ERGIC1: variants seen among roughly 807,000 people sequenced by gnomAD.
ERGIC1 encodes the protein endoplasmic reticulum-Golgi intermediate compartment protein 1.
ERGIC1 carries 19 observed loss-of-function variants against 38.3 expected under a neutral mutation model. The observed-to-expected ratio is 0.50, with a 90% CI of 0.35 to 0.73. ERGIC1 has a LOEUF of 0.73. Among genes scored for constraint, ERGIC1 ranks in the 30% least tolerant of loss-of-function variants. ERGIC1 has a pLI of 0.01. For synonymous variants in ERGIC1, 124 were observed against 157.6 expected, an observed-to-expected ratio of 0.79 and a Z score of 1.60; for missense variants, 294 against 389.2, an observed-to-expected ratio of 0.76 and a Z score of 2.06.
At chr5:172,838,175 A>T (rs1291995023) in intron 1 of ERGIC1, among the ~76,000 whole-genome samples, 1 of 152,232 alleles carries the variant, frequency 6.6e-6, no homozygotes, top group Admixed American at 6.5e-5. Context: ...TGTAGGGGCA[A>T]GTGTGATCAA....
chr5:172,898,207 A>G (rs1762773501), intron 3 of ERGIC1: 1 of 257,062 alleles, frequency 3.9e-6, no homozygotes, highest in African/African-American at 2.2e-5. Flanking sequence ...GCCACAAGAC[A>G]ATAGGAAACT....
intron 3 of ERGIC1, among the ~76,000 whole-genome samples, chr5:172,897,364 G>A (rs1421222371): frequency 1.3e-5 from 2 of 151,350 alleles, no homozygotes; most frequent in Non-Finnish European, 2.9e-5. Context: ...GGGAGGCAGA[G>A]GTTGCAGTGA....
At chr5:172,840,406 G>A (rs1258267066) in intron 1 of ERGIC1, among the ~76,000 whole-genome samples, 1 of 152,230 alleles carries the variant, frequency 6.6e-6, no homozygotes, top group Non-Finnish European at 1.5e-5. Context: ...CAGGCAGGGT[G>A]TGAAGAGGGT....
At chr5:172,862,307 CA>C (rs58968820) in intron 1 of ERGIC1, among the ~76,000 whole-genome samples, 7 of 49,488 alleles carry the variant, frequency 1.4e-4, no homozygotes, top group African/African-American at 6.1e-4. Context: ...GACTACATCT[CA>C]AAAAAAAAAA....
At chr5:172,900,426 G>T (rs1007193018) in intron 3 of ERGIC1, among the ~76,000 whole-genome samples, 7 of 152,122 alleles carry the variant, frequency 4.6e-5, no homozygotes, top group Admixed American at 4.6e-4. Flanking sequence ...GAGGAAGGGG[G>T]CCAGGTGCAG....
chr5:172,879,053 T>G (rs1442354117), intron 1 of ERGIC1, among the ~76,000 whole-genome samples: 1 of 152,148 alleles, frequency 6.6e-6, no homozygotes, highest in Non-Finnish European at 1.5e-5. Flanking sequence ...CTAATTTCAT[T>G]AAGCCTTGGA....
chr5:172,872,379 C>A (rs887397283), intron 1 of ERGIC1, among the ~76,000 whole-genome samples: 14 of 152,214 alleles, frequency 9.2e-5, no homozygotes, highest in African/African-American at 3.4e-4. Context: ...ATATGAGTTA[C>A]TACTTGGGTT....
chr5:172,847,210 G>C (rs1761300568), intron 1 of ERGIC1, among the ~76,000 whole-genome samples: 1 of 152,146 alleles, frequency 6.6e-6, no homozygotes, highest in Non-Finnish European at 1.5e-5. Flanking sequence ...CCTGGCAGTG[G>C]TGGGGAGAGA....
At chr5:172,862,344 A>G (rs1761734668) in intron 1 of ERGIC1, among the ~76,000 whole-genome samples, 1 of 148,220 alleles carries the variant, frequency 6.7e-6, no homozygotes, top group East Asian at 2.1e-4. Context: ...ATGGCACAAG[A>G]TAAGGGGGGA....
rs543755080 is a variant in ERGIC1 at position 172,834,267 on chromosome 5, AGGCGAGTGGCGAGT to A, written c.-131_-118del. On this transcript the variant is annotated 5_prime_UTR_variant, in exon 1 of 10. Transcript: ENST00000393784. This position sits in a 1 kb window ranked among gnomAD's most constrained non-coding sequence, Gnocchi z 4.1. The stretch of plus-strand genomic sequence containing the variant: ...CGGAGCGTCACTTCCCGGCAGCGGG[AGGCGAGTGGCGAGT>A]GGCGAGTGGCGAGTGTCAGGGGGGC... 7.0e-5 allele frequency: 53 copies of A among 752,162 alleles called. No homozygotes were observed. The highest frequency in any genetic ancestry group is 8.0e-5 in the Non-Finnish European group (47 of 585,154). The allele number at this position is 752,162 out of a possible 1,614,324, so 46.6% of individuals were successfully genotyped here.
chr5:172,928,140 G>C (rs1706624502), intron 7 of ERGIC1, among the ~76,000 whole-genome samples: 1 of 152,186 alleles, frequency 6.6e-6, no homozygotes, highest in Non-Finnish European at 1.5e-5. Flanking sequence ...AATGTCTGCA[G>C]CTACGATGGA....
intron 9 of ERGIC1, among the ~76,000 whole-genome samples, chr5:172,943,080 G>C (rs1400621363): frequency 6.6e-6 from 1 of 152,134 alleles, no homozygotes; most frequent in South Asian, 2.1e-4. Context: ...CCCTGTGACT[G>C]TGGACAAGTC....
chr5:172,899,564 G>A (rs1412355873), intron 3 of ERGIC1, among the ~76,000 whole-genome samples: 5 of 151,832 alleles, frequency 3.3e-5, no homozygotes, highest in Non-Finnish European at 2.9e-5. Context: ...TGATCCACCC[G>A]CCTCAGCCTG....
At chr5:172,949,901 G>A (rs772118464) in intron 9 of ERGIC1, among the ~76,000 whole-genome samples, 3 of 152,162 alleles carry the variant, frequency 2.0e-5, no homozygotes, top group Middle Eastern at 3.4e-3. Flanking sequence ...CCCCCACCCT[G>A]TCTCTACTAA....
At chr5:172,836,232 G>A (rs971854055) in intron 1 of ERGIC1, among the ~76,000 whole-genome samples, 5 of 152,194 alleles carry the variant, frequency 3.3e-5, no homozygotes, top group African/African-American at 1.2e-4. Context: ...TGTGCTCCTT[G>A]AATTGGTGGC....
intron 8 of ERGIC1, 96 bp downstream of exon 8, chr5:172,932,632 T>G: frequency 1.6e-6 from 2 of 1,277,916 alleles, no homozygotes; most frequent in Non-Finnish European, 2.2e-6. Flanking sequence ...CACTTTCTTC[T>G]GATTCCTTTC....
chr5:172,838,347 C>A (rs772367527), intron 1 of ERGIC1, among the ~76,000 whole-genome samples: 5 of 152,184 alleles, frequency 3.3e-5, no homozygotes, highest in African/African-American at 1.2e-4. Context: ...ATGGACCCCC[C>A]TCTGAGTGTG....
At chr5:172,902,909 T>C (rs561459772) in intron 3 of ERGIC1, among the ~76,000 whole-genome samples, 1 of 152,248 alleles carries the variant, frequency 6.6e-6, no homozygotes, top group South Asian at 2.1e-4. Flanking sequence ...TTTGTATAGA[T>C]GTCATCGAAC....
intron 2 of ERGIC1, among the ~76,000 whole-genome samples, chr5:172,891,833 C>A (rs561508377): frequency 1.3e-5 from 2 of 152,214 alleles, no homozygotes; most frequent in Admixed American, 6.5e-5. Context: ...TCTGCTGATA[C>A]ATCCTGGGCA....
Sources: gnomAD v4.1 joint callset for allele counts (sites outside exome capture counted in the v4.1 genomes callset) on GRCh38, gnomAD v4.1.1 for gene constraint, Gnocchi (gnomAD v3.1) non-coding constraint, MANE v1.5 for transcripts, NCBI Gene and HGNC (gene_info 2026-07-23, HGNC 2026-07-21) for gene names.